Variants in GRK3 observed in about 807,000 individuals in gnomAD.
GRK3 encodes the protein adrenergic, beta, receptor kinase 2.
Under a neutral mutation model 95.7 loss-of-function variants are expected in GRK3, and 54 were observed. The observed-to-expected ratio is 0.56, with a 90% CI of 0.45 to 0.71. The LOEUF (loss-of-function observed/expected upper bound fraction) is 0.71. GRK3 is among the 30% of genes least tolerant of loss of function. The probability of loss-of-function intolerance (pLI) is 0.00; values close to 1 mark genes in which losing one functional copy is unlikely to be tolerated. For missense variants in GRK3, 649 were observed against 851.2 expected (o/e 0.76, Z 2.96); for synonymous variants, 281 against 290.8 (o/e 0.97, Z 0.34).
At chr22:25,648,705 T>C in intron 3 of GRK3, 1 of 1,039,628 alleles carries the variant, frequency 9.6e-7, no homozygotes, top group Non-Finnish European at 1.5e-6. Flanking sequence ...TGGAAAGTAT[T>C]TGAAGCTTCC....
intron 18 of GRK3, among the ~76,000 whole-genome samples, chr22:25,717,907 T>C (rs2085399382): frequency 6.6e-6 from 1 of 152,324 alleles, no homozygotes; most frequent in East Asian, 1.9e-4. Context: ...ATAGCTTGAC[T>C]TTAAATACCG....
At chr22:25,653,849 C>T (rs1419623199) in intron 3 of GRK3, among the ~76,000 whole-genome samples, 1 of 152,176 alleles carries the variant, frequency 6.6e-6, no homozygotes, top group African/African-American at 2.4e-5. Context: ...CCACCACGCT[C>T]AGCTAATTTT....
At chr22:25,583,306 T>TA (rs1932169372) in intron 1 of GRK3, among the ~76,000 whole-genome samples, 1 of 151,920 alleles carries the variant, frequency 6.6e-6, no homozygotes, top group South Asian at 2.1e-4. Context: ...GCTACAAAAA[T>TA]AAGTCAGTCC....
chr22:25,711,253 G>A lies in GRK3; in HGVS notation c.1491+90G>A. ...AAACTTAGTGGTTGTTTTAATATTG[G>A]GCTGTTTATAGTATTTAACTTACAA... On this transcript the variant is annotated intron_variant, in intron 17 of 20. Transcript: ENST00000324198. 4 of 785,680 alleles carry A rather than the reference G, an allele frequency of 5.1e-6. No individual in the cohort carries two copies. In the South Asian group the frequency reaches 7.7e-5, roughly 15 times the overall value. The allele number at this position is 785,680 out of a possible 1,614,324, so 48.7% of individuals were successfully genotyped here. A position where few individuals can be genotyped will look rare whatever the true frequency, so the allele number is the denominator to read the frequency against.
chr22:25,703,883 G>A (rs1043697280), intron 14 of GRK3, among the ~76,000 whole-genome samples: 2 of 152,184 alleles, frequency 1.3e-5, no homozygotes, highest in African/African-American at 4.8e-5. Flanking sequence ...TTACTGAGAT[G>A]CCAACGAATG....
intron 15 of GRK3, among the ~76,000 whole-genome samples, chr22:25,708,242 C>T (rs1324636469): frequency 6.6e-6 from 1 of 151,952 alleles, no homozygotes; most frequent in Non-Finnish European, 1.5e-5. Context: ...AAAAAAGAAA[C>T]ACCACCCCTA....
intron 2 of GRK3, among the ~76,000 whole-genome samples, chr22:25,640,411 T>C (rs912223112): frequency 6.6e-6 from 1 of 152,222 alleles, no homozygotes; most frequent in African/African-American, 2.4e-5. Context: ...AAGCGCTTTA[T>C]TGGAAAAACA....
At chr22:25,605,216 TG>T (rs2084436175) in intron 2 of GRK3, among the ~76,000 whole-genome samples, 1 of 151,914 alleles carries the variant, frequency 6.6e-6, no homozygotes, top group South Asian at 2.1e-4. Flanking sequence ...GTGGACGGAG[TG>T]GTTTGGAGAA....
intron 11 of GRK3, among the ~76,000 whole-genome samples, chr22:25,688,122 G>C (rs575364642): frequency 6.6e-6 from 1 of 151,680 alleles, no homozygotes; most frequent in Admixed American, 6.6e-5. Context: ...TGTAGTCCCA[G>C]CTACTCAGGA....
At chr22:25,605,015 T>A (rs1368956519) in intron 2 of GRK3, among the ~76,000 whole-genome samples, 2 of 152,268 alleles carry the variant, frequency 1.3e-5, no homozygotes, top group African/African-American at 4.8e-5. Context: ...TTCCCAGTTC[T>A]CCTTCTTCTT....
At chr22:25,644,135 GT>G (rs915278019) in intron 2 of GRK3, among the ~76,000 whole-genome samples, 78 of 142,572 alleles carry the variant, frequency 5.5e-4, no homozygotes, top group East Asian at 8.2e-4. Flanking sequence ...GGGTTCTGGT[GT>G]TTTTTTTTTT....
At chr22:25,697,104 T>A (rs1181791119) in intron 13 of GRK3, among the ~76,000 whole-genome samples, 1 of 152,184 alleles carries the variant, frequency 6.6e-6, no homozygotes, top group African/African-American at 2.4e-5. Flanking sequence ...AAAAGAAAAC[T>A]GTGCAACAGC....
At chr22:25,697,834 C>G (rs919718708) in intron 13 of GRK3, among the ~76,000 whole-genome samples, 2 of 152,118 alleles carry the variant, frequency 1.3e-5, no homozygotes, top group African/African-American at 4.8e-5. Flanking sequence ...CTTTCCAGTG[C>G]TTGATAGATA....
chr22:25,709,968 C>T lies in GRK3; in HGVS notation c.1395+4C>T, dbSNP rs1312697087. The T allele has an allele frequency of 1.9e-6, 3 of 1,606,872 alleles. No homozygotes were observed. The highest frequency in any genetic ancestry group is 1.7e-6 in the Non-Finnish European group (2 of 1,173,502). On this transcript the variant is annotated splice_donor_region_variant and intron_variant, in intron 16 of 20. Transcript: ENST00000324198. Reference sequence around the variant, plus strand: ...GCAGCATGTCTACTTACAAAAGGTACTCACTCCCTCTTGACTCTACTTACG... The same window carrying T: ...GCAGCATGTCTACTTACAAAAGGTATTCACTCCCTCTTGACTCTACTTACG...
chr22:25,680,831 A>C (rs892910800), intron 9 of GRK3, among the ~76,000 whole-genome samples: 9 of 152,180 alleles, frequency 5.9e-5, no homozygotes, highest in African/African-American at 2.2e-4. Flanking sequence ...AATAAAACTT[A>C]GTTGAAAATA....
At position 25,661,609 on chromosome 22, in the gene GRK3, G is replaced by A. The variant is rs780277919; in HGVS notation, c.298G>A (p.Asp100Asn). 3.7e-6 allele frequency: 6 copies of A among 1,612,958 alleles called. No homozygotes were observed. The highest frequency in any genetic ancestry group is 1.3e-5 in the African/African-American group (1 of 74,886). The part of the protein sequence containing the change: ...KEYEKLDNEE[D>N]RLCRSRQIYD... ...ATATGAAAAACTTGATAATGAGGAA[G>A]ACCGCCTTTGCAGAAGTCGACAAAT... The change falls in exon 4 of 21, where the codon GAC becomes AAC. Residue 100 changes from aspartate (D) to asparagine (N), a missense_variant. Asp to Asn is a conservative substitution (Grantham distance 23). This residue lies in a region of GRK3 where 206 missense variants were observed against 231.4 expected (regional missense o/e 0.89). Coordinates refer to ENST00000324198, the MANE Select transcript of GRK3 (RefSeq NM_005160.4).
intron 2 of GRK3, among the ~76,000 whole-genome samples, chr22:25,616,198 C>T (rs1466490952): frequency 6.6e-6 from 1 of 152,096 alleles, no homozygotes; most frequent in Admixed American, 6.5e-5. Context: ...TTGTGTTAGT[C>T]CTGTCTCACA....
chr22:25,671,469 C>T (rs1243951341), intron 6 of GRK3, among the ~76,000 whole-genome samples: 1 of 152,230 alleles, frequency 6.6e-6, no homozygotes, highest in East Asian at 1.9e-4. Flanking sequence ...AGAAAACACT[C>T]ATCAAGCAGT....
intron 1 of GRK3, among the ~76,000 whole-genome samples, chr22:25,589,289 G>A (rs556083604): frequency 6.6e-6 from 1 of 152,306 alleles, no homozygotes; most frequent in African/African-American, 2.4e-5. Flanking sequence ...AAACATTGTA[G>A]TTTCTCTACC....
Sources: gnomAD v4.1 joint callset for allele counts (sites outside exome capture counted in the v4.1 genomes callset) on GRCh38, gnomAD v4.1.1 for gene constraint, gnomAD v4.1.1 regional missense constraint, MANE v1.5 for transcripts, NCBI Gene and HGNC (gene_info 2026-07-23, HGNC 2026-07-21) for gene names.